PUM3: variants seen among roughly 807,000 people sequenced by gnomAD.
The protein encoded by PUM3 is pumilio RNA binding family member 3.
In PUM3, 91 loss-of-function variants were observed where a neutral mutation model predicts 84.0. The observed-to-expected ratio is 1.08, with a 90% CI of 0.91 to 1.29. PUM3 has a LOEUF of 1.29. Ranked by LOEUF, PUM3 falls within the 50% of genes most tolerant of loss-of-function variation. The pLI is 0.00. For synonymous variants in PUM3, 321 were observed against 266.7 expected, an observed-to-expected ratio of 1.20 and a Z score of -1.98; for missense variants, 1,067 against 767.5, an observed-to-expected ratio of 1.39 and a Z score of -4.61.
At chr9:2,826,543 G>C (rs1313958857) in intron 10 of PUM3, among the ~76,000 whole-genome samples, 1 of 152,208 alleles carries the variant, frequency 6.6e-6, no homozygotes, top group South Asian at 2.1e-4. Flanking sequence ...CTCACTGTAT[G>C]ATGAGGCAAG....
intron 7 of PUM3, 127 bp from the exon 8 acceptor site, chr9:2,830,075 C>T (rs1478906114): frequency 1.1e-5 from 8 of 725,994 alleles, no homozygotes; most frequent in African/African-American, 1.8e-5. Flanking sequence ...AATGAGCTAG[C>T]ATGCATTGAG....
intron 11 of PUM3, 107 bp downstream of exon 11, chr9:2,824,610 G>A (rs894894096): frequency 9.7e-6 from 6 of 619,186 alleles, no homozygotes; most frequent in Non-Finnish European, 7.2e-6. Flanking sequence ...GCACAACAGG[G>A]CAAAGACCAA....
rs964074075 is a variant in PUM3 at position 2,811,260 on chromosome 9, T to C, written c.1635+101A>G. 1.0e-5 allele frequency: 9 copies of C among 860,706 alleles called. No homozygotes were observed. In the African/African-American group the frequency reaches 1.3e-4, roughly 13 times the overall value. 53.3% of individuals were successfully genotyped at this position (860,706 alleles called of 1,614,324 possible). On this transcript the variant is annotated intron_variant, in intron 15 of 17. Coordinates refer to ENST00000397885, the MANE Select transcript of PUM3 (RefSeq NM_014878.5). ...GGTTCTTGGTTGTTTATTCAACAGG[T>C]ATCTCCCTCCCCAGCTTTCTTACTG... is the stretch of plus-strand genomic sequence containing the variant.
intron 16 of PUM3, 179 bp from the exon 17 acceptor site, chr9:2,808,083 T>C: frequency 1.8e-6 from 1 of 547,918 alleles, no homozygotes; most frequent in East Asian, 3.0e-5. Context: ...AATGCATTTC[T>C]AAAAGAGCCA....
chr9:2,809,478 A>G (rs967599625), intron 16 of PUM3, among the ~76,000 whole-genome samples: 3 of 152,158 alleles, frequency 2.0e-5, no homozygotes, highest in African/African-American at 7.2e-5. Flanking sequence ...AATTTAGTGA[A>G]AAATAGCCCC....
At chr9:2,816,101 A>G (rs923490342) in intron 13 of PUM3, among the ~76,000 whole-genome samples, 31 of 151,980 alleles carry the variant, frequency 2.0e-4, no homozygotes, top group African/African-American at 7.5e-4. Flanking sequence ...GTAAAAATCA[A>G]CCCATCCATG....
intron 9 of PUM3, 59 bp from the exon 10 acceptor site, chr9:2,827,210 AG>A: frequency 8.2e-7 from 1 of 1,215,380 alleles, no homozygotes; most frequent in Non-Finnish European, 1.2e-6. Context: ...AGTCATACAA[AG>A]ACAGGTAATC....
intron 13 of PUM3, among the ~76,000 whole-genome samples, chr9:2,818,117 T>A (rs979470608): frequency 2.2e-4 from 34 of 152,384 alleles, no homozygotes; most frequent in African/African-American, 8.2e-4. Context: ...TTCCTGGTTA[T>A]TTTTAAAAAG....
chr9:2,828,727 A>G lies in PUM3; in HGVS notation c.904T>C (p.Leu302=). 5.0e-6 allele frequency: 8 copies of G among 1,609,968 alleles called. No homozygotes were observed. Among genetic ancestry groups the G allele is most frequent in the Non-Finnish European group, 6.0e-6 (7 of 1,176,424 alleles). The change falls in exon 9 of 18, where the codon TTA becomes CTA. Residue 302 remains leucine (L), a synonymous_variant. Transcript: ENST00000397885. The part of the protein sequence containing the change: ...DKVLEVQPEK[L]ELIMDEMKQI... ...TTCATTTCATCCATAATAAGTTCTA[A>G]TTTTTCTGGCTGTACCTCTAACACT... is the stretch of plus-strand genomic sequence containing the variant.
intron 17 of PUM3, 73 bp downstream of exon 17, chr9:2,807,741 G>A (rs574073881): frequency 1.9e-4 from 180 of 950,092 alleles, no homozygotes; most frequent in Non-Finnish European, 2.8e-4. Flanking sequence ...TTAGAACTGA[G>A]AAATCAACGT....
intron 16 of PUM3, among the ~76,000 whole-genome samples, chr9:2,809,074 A>G (rs947719966): frequency 1.3e-5 from 2 of 152,170 alleles, no homozygotes; most frequent in East Asian, 1.9e-4. Context: ...CGAAAAGTGG[A>G]CACTCCAACC....
intron 3 of PUM3, among the ~76,000 whole-genome samples, chr9:2,835,885 C>T (rs1816106855): frequency 6.6e-6 from 1 of 152,084 alleles, no homozygotes; most frequent in African/African-American, 2.4e-5. Context: ...TCATAACTTT[C>T]CTCATATCAA....
chr9:2,828,681 G>C lies in PUM3; in HGVS notation c.950C>G (p.Ala317Gly). 1 of 1,566,028 alleles carries C rather than the reference G, an allele frequency of 6.4e-7. No individual in the cohort carries two copies. The highest frequency in any genetic ancestry group is 1.7e-5 in the Admixed American group (1 of 59,260). Residue 317 changes from alanine to glycine, a missense_variant, in exon 9 of 18, where the codon GCC becomes GGC. Transcript: ENST00000397885. ...DEMKQILTPM[A>G]QKEAVIKHSL... Reference sequence around the variant, plus strand: ...ACAAAAACAACTTTCTTACTTTTGGGCCATTGGAGTTAGAATCTGTTTCAT... The same window carrying C: ...ACAAAAACAACTTTCTTACTTTTGGCCCATTGGAGTTAGAATCTGTTTCAT...
At chr9:2,810,856 G>T (rs1821353075) in intron 15 of PUM3, among the ~76,000 whole-genome samples, 1 of 152,182 alleles carries the variant, frequency 6.6e-6, no homozygotes, top group African/African-American at 2.4e-5. Context: ...CACCGAAGGG[G>T]ATTATCTGAT....
chr9:2,829,592 G>C (rs1815916797), intron 8 of PUM3, among the ~76,000 whole-genome samples, 182 bp downstream of exon 8: 1 of 152,188 alleles, frequency 6.6e-6, no homozygotes, highest in African/African-American at 2.4e-5. Flanking sequence ...TCTGGAGAAA[G>C]AGAAACTTGC....
intron 5 of PUM3, among the ~76,000 whole-genome samples, chr9:2,832,572 C>T (rs1053428926): frequency 6.6e-6 from 1 of 152,156 alleles, no homozygotes; most frequent in South Asian, 2.1e-4. Context: ...ACTTCTAACA[C>T]CATGGTCATA....
At chr9:2,823,318 A>G (rs1815715097) in intron 12 of PUM3, among the ~76,000 whole-genome samples, 1 of 151,978 alleles carries the variant, frequency 6.6e-6, no homozygotes, top group Non-Finnish European at 1.5e-5. Flanking sequence ...CCATAACCAC[A>G]CTGCAAATTT....
intron 3 of PUM3, among the ~76,000 whole-genome samples, chr9:2,836,810 C>CGTGTGT (rs145780551): frequency 2.7e-5 from 4 of 150,174 alleles, no homozygotes; most frequent in Admixed American, 2.7e-4. Flanking sequence ...TGTGTGTGTG[C>CGTGTGT]GTGTGTGTGT....
At position 2,807,844 on chromosome 9, in the gene PUM3, C is replaced by G; in HGVS notation, c.1784G>C (p.Ser595Thr). Residue 595 changes from serine to threonine, a missense_variant, in exon 17 of 18, where the codon AGT becomes ACT. Transcript: ENST00000397885. ...VGMKNLKSWA[S>T]VNRGAIILSS... is the part of the protein sequence containing the mutation. Reference sequence around the variant, plus strand: ...AAGAATAATGGCACCTCGATTTACACTAGCCCAGGACTTCAGGTTCTTCAT... The same window carrying G: ...AAGAATAATGGCACCTCGATTTACAGTAGCCCAGGACTTCAGGTTCTTCAT... 4 of 1,613,680 alleles carry G rather than the reference C, an allele frequency of 2.5e-6. No homozygotes were observed. In the South Asian group the frequency reaches 3.3e-5, roughly 13 times the overall value.
Sources: gnomAD v4.1 joint callset for allele counts (sites outside exome capture counted in the v4.1 genomes callset) on GRCh38, gnomAD v4.1.1 for gene constraint, MANE v1.5 for transcripts, NCBI Gene and HGNC (gene_info 2026-07-23, HGNC 2026-07-21) for gene names.